Variants in MYH7B observed in about 807,000 individuals in gnomAD.
The protein encoded by MYH7B is myosin-7B.
A neutral mutation model predicts 234.5 loss-of-function variants in MYH7B; 205 were observed. The observed-to-expected ratio is 0.87, with a 90% CI of 0.78 to 0.98. The LOEUF is 0.98. MYH7B is among the 50% of genes least tolerant of loss of function. MYH7B has a pLI of 0.00. For missense variants in MYH7B, 2,652 were observed against 2,633.4 expected (o/e 1.01, Z -0.15); for synonymous variants, 1,193 against 1,105.0 (o/e 1.08, Z -1.58).
chr20:34,967,592 G>A (rs2081754915), intron 2 of MYH7B, among the ~76,000 whole-genome samples: 3 of 152,054 alleles, frequency 2.0e-5, no homozygotes, highest in African/African-American at 7.2e-5. Context: ...GTCTTTCATG[G>A]AGAACAGACA....
exon 35 of MYH7B, chr20:34,998,844 C>A: frequency 6.2e-7 from 1 of 1,613,234 alleles, no homozygotes; most frequent in South Asian, 1.1e-5. Context: ...AGGCCAATGC[C>A]GAGGTGGCCC....
rs757776254 is a variant in MYH7B at position 34,995,440 on chromosome 20, T to TGAG, written c.2813_2815dup (p.Glu938dup). On this transcript the variant is annotated inframe_insertion, in exon 28 of 45. Coordinates refer to ENST00000262873, the Ensembl canonical transcript of MYH7B. ...AGGAGCTGAGTGAGCGGCTGGAGGATGAGGAGGAGGTGAACGCTGACCTGG... is the reference window on the plus strand; with the variant it reads ...AGGAGCTGAGTGAGCGGCTGGAGGATGAGGAGGAGGAGGTGAACGCTGACCTGG... 3 of 1,613,440 alleles carry TGAG rather than the reference T, an allele frequency of 1.9e-6. No individual in the cohort carries two copies. The East Asian group carries it at 6.7e-5, about 36-fold the overall frequency.
intron 24 of MYH7B, among the ~76,000 whole-genome samples, chr20:34,992,294 G>C (rs997635701): frequency 6.6e-6 from 1 of 151,238 alleles, no homozygotes; most frequent in South Asian, 2.1e-4. Flanking sequence ...GCTGAGGCAG[G>C]AGAATGGCCT....
In MYH7B at chr20:34,999,776, G is replaced by A. The variant is rs772858940; in HGVS notation, c.4666-15G>A. The A allele has an allele frequency of 6.9e-7, 1 of 1,458,594 alleles. No homozygotes were observed. The highest frequency in any genetic ancestry group is 1.2e-5 in the South Asian group (1 of 84,080). The allele number at this position is 1,458,594 out of a possible 1,614,324, so 90.4% of individuals were successfully genotyped here. On this transcript the variant is annotated splice_polypyrimidine_tract_variant and intron_variant, in intron 37 of 44. Transcript: ENST00000262873. ...CCCCCCCCCCCACCCTACCCTGCCT[G>A]CTCTGTATCCACAGGGGGCCCTGGA...
Position 34,979,510 on chromosome 20 carries a change from T to C in MYH7B, c.198+14T>C. The C allele has an allele frequency of 1.2e-6, 2 of 1,607,296 alleles. No individual in the cohort carries two copies. The highest frequency in any genetic ancestry group is 2.2e-5 in the South Asian group (2 of 90,192). ...AAAGACCAGAAGGTTCCGTTCCCCC[T>C]TTCCTGAGATTAGCCTCTCTGTCCC... On this transcript the variant is annotated intron_variant, in intron 6 of 44. Coordinates refer to ENST00000262873, the Ensembl canonical transcript of MYH7B.
chr20:35,002,135 T>C (rs1377240523), intron 44 of MYH7B, 42 bp from the exon 45 acceptor site: 4 of 1,606,208 alleles, frequency 2.5e-6, no homozygotes, highest in Non-Finnish European at 3.4e-6. Context: ...CTGTGGGGGC[T>C]GACAGGTAGT....
chr20:34,998,161 G>A (rs986405100), intron 32 of MYH7B, 134 bp from the exon 33 acceptor site: 2 of 1,061,900 alleles, frequency 1.9e-6, no homozygotes, highest in African/African-American at 3.2e-5. Flanking sequence ...CTTTGAACTT[G>A]GGGCTCTGCT....
exon 26 of MYH7B, chr20:34,993,361 G>T: frequency 1.2e-6 from 2 of 1,614,002 alleles, no homozygotes; most frequent in Non-Finnish European, 1.7e-6. Context: ...GCTTCTAGGC[G>T]TCCTGGAAGA....
chr20:34,990,371 C>A (rs151254276), intron 22 of MYH7B, 61 bp downstream of exon 22: 8 of 1,580,284 alleles, frequency 5.1e-6, no homozygotes, highest in Non-Finnish European at 7.0e-6. Context: ...CGTCCTTCAC[C>A]CCCTGCCCTG....
chr20:34,994,618 C>T (rs2082219023), intron 27 of MYH7B, among the ~76,000 whole-genome samples: 1 of 152,244 alleles, frequency 6.6e-6, no homozygotes, highest in African/African-American at 2.4e-5. Flanking sequence ...TGGCCTCCCG[C>T]TAAAGCAGAG....
chr20:35,000,799 T>A (rs2147245876), exon 40 of MYH7B: 1 of 1,613,866 alleles, frequency 6.2e-7, no homozygotes, highest in East Asian at 2.2e-5. Context: ...AAGAAGAAGC[T>A]GGAGGCGGAC....
chr20:34,999,744 T>TGGGGGGGGG, intron 37 of MYH7B, 47 bp from the exon 38 acceptor site: 4 of 1,574,756 alleles, frequency 2.5e-6, no homozygotes, highest in Non-Finnish European at 3.4e-6. Context: ...GCTGCTCCAC[T>TGGGGGGGGG]GGCCATCCCC....
Position 34,999,047 on chromosome 20 carries a change from A to G in MYH7B, c.4191-9A>G. Reference sequence around the variant, plus strand: ...CATGGTCCACACCTTGTCTGGTTCCATGGCCTAGAAAAAAGCTGGCACTGC... The same window carrying G: ...CATGGTCCACACCTTGTCTGGTTCCGTGGCCTAGAAAAAAGCTGGCACTGC... On this transcript the variant is annotated splice_polypyrimidine_tract_variant and intron_variant, in intron 35 of 44. Transcript: ENST00000262873. The G allele has an allele frequency of 1.9e-6, 3 of 1,604,030 alleles. No homozygotes were observed. Among genetic ancestry groups the G allele is most frequent in the Non-Finnish European group, 2.6e-6 (3 of 1,175,082 alleles).
chr20:34,990,173 C>T, intron 21 of MYH7B, 27 bp downstream of exon 21: 1 of 1,614,142 alleles, frequency 6.2e-7, no homozygotes, highest in South Asian at 1.1e-5. Context: ...AAGATCTCCA[C>T]TCTGACAGGG....
At chr20:34,991,637 C>T (rs1335215138) in intron 24 of MYH7B, among the ~76,000 whole-genome samples, 1 of 152,100 alleles carries the variant, frequency 6.6e-6, no homozygotes, top group Non-Finnish European at 1.5e-5. Flanking sequence ...GGGAGTTGAA[C>T]GAGAATCATG....
At chr20:34,991,249 GCCAGGTATC>G in intron 24 of MYH7B, 128 bp downstream of exon 24, 1 of 672,302 alleles carries the variant, frequency 1.5e-6, no homozygotes, top group Non-Finnish European at 2.5e-6. Flanking sequence ...GAGGGGCCTG[GCCAGGTATC>G]CCAGCAAGAC....
intron 19 of MYH7B, among the ~76,000 whole-genome samples, chr20:34,988,691 C>G (rs1457567390): frequency 6.6e-6 from 1 of 151,322 alleles, no homozygotes; most frequent in African/African-American, 2.4e-5. Flanking sequence ...ACCCATTGTA[C>G]AAAGAATGGA....
intron 5 of MYH7B, 48 bp downstream of exon 5, chr20:34,978,144 A>G (rs1454656779): frequency 1.2e-6 from 2 of 1,607,376 alleles, no homozygotes; most frequent in Non-Finnish European, 1.7e-6. Context: ...AGATGCCCTT[A>G]TGGACTCAGA....
intron 2 of MYH7B, among the ~76,000 whole-genome samples, chr20:34,959,570 C>T (rs893286312): frequency 4.0e-5 from 6 of 151,796 alleles, no homozygotes; most frequent in African/African-American, 7.3e-5. Flanking sequence ...CTCTGCCTCC[C>T]GGGTTCAGGC....
Sources: allele counts gnomAD v4.1 joint callset (sites outside exome capture counted in the v4.1 genomes callset), GRCh38; gene constraint gnomAD v4.1.1; transcripts MANE v1.5; gene names NCBI Gene and HGNC (gene_info 2026-07-23, HGNC 2026-07-21).